The following PPP2R3B variants were observed in gnomAD, a reference collection of about 807,000 sequenced individuals.
PPP2R3B encodes protein phosphatase 2 regulatory subunit B''beta, also known as serine/threonine-protein phosphatase 2A regulatory subunit B'' subunit beta.
A neutral mutation model predicts 72.9 loss-of-function variants in PPP2R3B; 68 were observed. The observed-to-expected ratio is 0.93, with a 90% CI of 0.77 to 1.14. The LOEUF (loss-of-function observed/expected upper bound fraction) is 1.14. Ranked by LOEUF, PPP2R3B falls within the 50% of genes most tolerant of loss-of-function variation. The pLI, the probability that PPP2R3B is intolerant of heterozygous loss-of-function variation, is 0.00. For missense variants in PPP2R3B, 1,018 were observed against 842.0 expected, an observed-to-expected ratio of 1.21 and a Z score of -2.59; for synonymous variants, 466 against 375.8, an observed-to-expected ratio of 1.24 and a Z score of -2.78.
chrX:355,618 C>T (rs889422715), intron 2 of PPP2R3B, among the ~76,000 whole-genome samples: 1 of 152,220 alleles, frequency 6.6e-6, no homozygotes, highest in African/African-American at 2.4e-5. Context: ...CACACACGCA[C>T]ATGGAACACC....
chrX:368,534 C>T (rs1291460109), intron 1 of PPP2R3B, among the ~76,000 whole-genome samples: 4 of 124,582 alleles, frequency 3.2e-5, no homozygotes, highest in Admixed American at 8.0e-5. Context: ...GGGGGAAGGA[C>T]GGGACCACCC....
chrX:364,210 C>A (rs759213597), intron 1 of PPP2R3B, among the ~76,000 whole-genome samples: 1 of 152,302 alleles, frequency 6.6e-6, no homozygotes, highest in East Asian at 1.9e-4. Context: ...AGAATGAGCT[C>A]CAAGTAAATC....
Position 358,240 on chromosome X carries a change from C to T in PPP2R3B, c.510+3165G>A, listed in dbSNP as rs187042491. ...CAGGTGGCGGCGAGCTGGGCGCCAC[C>T]GAGACAGGCTCAGCAGCCTTGGCGG... On this transcript the variant is annotated intron_variant, in intron 2 of 12. Transcript: ENST00000390665. 2.1e-3 allele frequency among the ~76,000 whole-genome samples: 313 copies of T among 152,378 alleles called. 6 individuals are homozygous for T. The East Asian group carries it at 0.057, about 28-fold the overall frequency.
chrX:381,593 CTTTTTTTT>C (rs950950107), intron 1 of PPP2R3B, among the ~76,000 whole-genome samples: 6 of 95,058 alleles, frequency 6.3e-5, no homozygotes, highest in Admixed American at 1.2e-4. Flanking sequence ...ACAAGCTCAT[CTTTTTTTT>C]TTTTTTTTTT....
chrX:364,587 G>A lies in PPP2R3B; in HGVS notation c.325-2997C>T, dbSNP rs760954850. ...AAAAAAATTAGCCGGGTGTGGTGGA[G>A]GGTGCCTGTACTCCCAGCTACTCGG... On this transcript the variant is annotated intron_variant, in intron 1 of 12. Coordinates refer to ENST00000390665, the MANE Select transcript of PPP2R3B (RefSeq NM_013239.5). 2.4e-3 allele frequency among the ~76,000 whole-genome samples: 229 copies of A among 93,526 alleles called. 2 individuals carry two copies. The highest frequency in any genetic ancestry group is 4.3e-3 in the Non-Finnish European group (170 of 39,820). 61.4% of individuals were successfully genotyped at this position (93,526 alleles called of 152,430 possible). A position where few individuals can be genotyped will look rare whatever the true frequency, so the allele number is the denominator to read the frequency against.
intron 1 of PPP2R3B, among the ~76,000 whole-genome samples, chrX:377,313 ACACC>A (rs1425093377): frequency 1.5e-3 from 40 of 26,282 alleles, no homozygotes; most frequent in Non-Finnish European, 2.1e-3. Flanking sequence ...CGGGCCGTCC[ACACC>A]CAGTGGGGCC....
chrX:352,594 T>C (rs757059345), intron 2 of PPP2R3B, among the ~76,000 whole-genome samples: 1 of 152,158 alleles, frequency 6.6e-6, no homozygotes, highest in Non-Finnish European at 1.5e-5. Flanking sequence ...TATTCCATTA[T>C]GGCTCTGCTG....
At position 346,757 on chromosome X, in the gene PPP2R3B, G is replaced by C; in HGVS notation, c.736C>G (p.Pro246Ala). 2 of 1,610,342 alleles carry C rather than the reference G, an allele frequency of 1.2e-6. No individual in the cohort carries two copies. Among genetic ancestry groups the C allele is most frequent in the Non-Finnish European group, 1.7e-6 (2 of 1,178,732 alleles). ...GCCTCCTTCAGGAACGACAGCCCCG[G>C]GTGCGTGTTCACCACGTCCTGCGGG... ...PFLQDVVNTH[P>A]GLSFLKEASE... is the part of the protein sequence containing the mutation. The change falls in exon 5 of 13, where the codon CCG (proline) becomes GCG (alanine). Residue 246 changes from proline to alanine, a missense_variant. Pro to Ala is a conservative substitution (Grantham distance 27). Transcript: ENST00000390665.
At chrX:349,158 G>A (rs909072747) in intron 2 of PPP2R3B, among the ~76,000 whole-genome samples, 1 of 152,066 alleles carries the variant, frequency 6.6e-6, no homozygotes, top group African/African-American at 2.4e-5. Context: ...CCTCTCCCCC[G>A]AGGCGATGGT....
At chrX:356,588 G>A (rs763187097) in intron 2 of PPP2R3B, among the ~76,000 whole-genome samples, 7 of 152,184 alleles carry the variant, frequency 4.6e-5, no homozygotes, top group African/African-American at 1.2e-4. Context: ...TCACCTCTGC[G>A]GTATTAATCA....
intron 2 of PPP2R3B, among the ~76,000 whole-genome samples, chrX:351,138 G>T (rs961387583): frequency 2.6e-5 from 4 of 152,244 alleles, no homozygotes; most frequent in African/African-American, 9.6e-5. Flanking sequence ...TGCGGCTGGA[G>T]GGGCCGGGCC....
chrX:345,385 G>A, intron 7 of PPP2R3B, 131 bp downstream of exon 7: 2 of 1,246,374 alleles, frequency 1.6e-6, no homozygotes, highest in Admixed American at 2.0e-5. Flanking sequence ...AGAGCGGCGA[G>A]TGCGAAGGAG....
chrX:377,720 G>A (rs2072028665), intron 1 of PPP2R3B, among the ~76,000 whole-genome samples: 1 of 144,060 alleles, frequency 6.9e-6, no homozygotes, highest in South Asian at 2.2e-4. Context: ...TACAGGGACG[G>A]GCCGTCCACA....
intron 3 of PPP2R3B, 27 bp from the exon 4 acceptor site, chrX:347,363 A>C: frequency 6.3e-7 from 1 of 1,596,842 alleles, no homozygotes; most frequent in Non-Finnish European, 8.6e-7. Context: ...ACTGGGCACC[A>C]CCCTCACAGG....
intron 2 of PPP2R3B, among the ~76,000 whole-genome samples, chrX:353,004 G>A (rs2071362323): frequency 6.6e-6 from 1 of 151,800 alleles, no homozygotes; most frequent in African/African-American, 2.4e-5. Flanking sequence ...GCTGGGGGGT[G>A]ACTGGGTGAT....
intron 2 of PPP2R3B, among the ~76,000 whole-genome samples, chrX:358,176 G>A (rs138057525): frequency 0.038 from 5,727 of 152,212 alleles, 366 homozygotes; most frequent in African/African-American, 0.13. Context: ...ACAGAAAACC[G>A]TCCCAAAGGC....
intron 2 of PPP2R3B, among the ~76,000 whole-genome samples, chrX:351,512 G>A (rs1192264171): frequency 2.0e-5 from 3 of 152,140 alleles, no homozygotes; most frequent in African/African-American, 4.8e-5. Flanking sequence ...AGGCTGGAGT[G>A]CAGTGTGTGA....
intron 2 of PPP2R3B, among the ~76,000 whole-genome samples, chrX:351,748 G>C: frequency 6.6e-6 from 1 of 152,082 alleles, no homozygotes; most frequent in East Asian, 1.9e-4. Context: ...GCCCAGGCTG[G>C]AGTGCAGTGT....
chrX:373,670 C>A, intron 1 of PPP2R3B: 1 of 209,752 alleles, frequency 4.8e-6, no homozygotes, highest in South Asian at 5.6e-5. Context: ...CGCCGGCGCG[C>A]AGGGCTCTCC....
Sources: gnomAD v4.1 joint callset for allele counts (sites outside exome capture counted in the v4.1 genomes callset) on GRCh38, gnomAD v4.1.1 for gene constraint, MANE v1.5 for transcripts, NCBI Gene and HGNC (gene_info 2026-07-23, HGNC 2026-07-21) for gene names.